The following PP2D1 variants were observed in gnomAD, a reference collection of about 807,000 sequenced individuals.
PP2D1 encodes protein phosphatase 2C-like domain-containing protein 1.
In PP2D1, 25 loss-of-function variants were observed where a neutral mutation model predicts 30.2. That is an observed-to-expected ratio of 0.83 (90% CI 0.60 to 1.16). The LOEUF is 1.16. Ranked by LOEUF, PP2D1 falls within the 50% of genes most tolerant of loss-of-function variation. PP2D1 has a pLI of 0.00. For synonymous variants in PP2D1, 260 were observed against 258.9 expected (o/e 1.00, Z -0.04); for missense variants, 760 against 742.4 (o/e 1.02, Z -0.28).
rs201198989 is a variant in PP2D1, at chr3:20,001,995, T to A, written c.125A>T (p.Lys42Met). 1.1e-3 allele frequency: 1,729 copies of A among 1,536,002 alleles called. 1 individual carries two copies. The highest frequency in any genetic ancestry group is 1.5e-3 in the Non-Finnish European group (1,666 of 1,146,816). ...LPKRKRFRKK[K>M]SRPVRHTKRH... is the part of the protein sequence containing the mutation. The stretch of plus-strand genomic sequence containing the variant: ...TTTGGTGTGTCTCACTGGTCTTGAC[T>A]TTTTCTTTCTAAAACGTTTTCTTTT... The change falls in exon 2 of 3, where the codon AAG (lysine) becomes ATG (methionine). Residue 42 changes from lysine (K) to methionine (M), a missense_variant. This residue lies in a region of PP2D1 where 374 missense variants were observed against 388.8 expected (regional missense o/e 0.96). Transcript: ENST00000389050.
intron 2 of PP2D1, among the ~76,000 whole-genome samples, chr3:19,988,476 G>A (rs1016825081): frequency 4.6e-5 from 7 of 151,874 alleles, no homozygotes; most frequent in Admixed American, 4.6e-4. Flanking sequence ...CTCCTGATAA[G>A]ATGTTATCAA....
downstream of PP2D1, among the ~76,000 whole-genome samples, chr3:19,983,361 A>AG: frequency 6.6e-6 from 1 of 151,752 alleles, no homozygotes; most frequent in Non-Finnish European, 1.5e-5. Context: ...AAAAAAAAAA[A>AG]AAGAAGTAAT....
chr3:19,982,440 T>C (rs1193566281), downstream of PP2D1, among the ~76,000 whole-genome samples: 2 of 152,230 alleles, frequency 1.3e-5, no homozygotes, highest in Non-Finnish European at 1.5e-5. Flanking sequence ...TTATCTGTCC[T>C]TCCTTTGCCC....
At chr3:20,003,184 T>G (rs931993490) in intron 1 of PP2D1, among the ~76,000 whole-genome samples, 2 of 151,962 alleles carry the variant, frequency 1.3e-5, no homozygotes, top group Non-Finnish European at 2.9e-5. Context: ...TAGAGTGAAC[T>G]CCTTATATTA....
chr3:20,001,572 G>T lies in PP2D1; in HGVS notation c.548C>A (p.Ala183Asp). The change falls in exon 2 of 3, where the codon GCT becomes GAT. Residue 183 changes from alanine to aspartate, a missense_variant. Physicochemically the swap from Ala to Asp is moderately radical, Grantham distance 126. Coordinates refer to ENST00000389050, the MANE Select transcript of PP2D1 (RefSeq NM_001252657.2). Reference sequence around the variant, plus strand: ...TACAGTGAATTTATCATTCATGTCAGCTTTCCATGTAGAATTCCTGTCTTC... The same window carrying T: ...TACAGTGAATTTATCATTCATGTCATCTTTCCATGTAGAATTCCTGTCTTC... The part of the protein sequence containing the change: ...ICEDRNSTWK[A>D]DMNDKFTVVS... 6.5e-7 allele frequency: 1 copy of T among 1,536,234 alleles called. No homozygotes were observed. Among genetic ancestry groups the T allele is most frequent in the Non-Finnish European group, 8.7e-7 (1 of 1,146,932 alleles).
intron 2 of PP2D1, among the ~76,000 whole-genome samples, chr3:19,986,564 T>G (rs1468514082): frequency 6.6e-6 from 1 of 152,248 alleles, no homozygotes; most frequent in African/African-American, 2.4e-5. Flanking sequence ...TAAATGTTTT[T>G]AAGATAAATG....
chr3:19,985,145 TCAG>T (rs1268387576), downstream of PP2D1: 1 of 427,346 alleles, frequency 2.3e-6, no homozygotes, highest in African/African-American at 2.1e-5. Flanking sequence ...ATTGAGGTGC[TCAG>T]GTTGGAATAA....
chr3:20,004,651 C>A (rs142365592), intron 1 of PP2D1, among the ~76,000 whole-genome samples: 1 of 152,100 alleles, frequency 6.6e-6, no homozygotes, highest in Admixed American at 6.6e-5. Context: ...TCATTTTATA[C>A]GCCTTCCTAT....
intron 1 of PP2D1, among the ~76,000 whole-genome samples, chr3:20,003,500 T>A (rs1697281411): frequency 6.6e-6 from 1 of 152,046 alleles, no homozygotes; most frequent in African/African-American, 2.4e-5. Context: ...CCCAACACTT[T>A]GGGAGGCCGA....
At chr3:19,987,956 A>G (rs1697062659) in intron 2 of PP2D1, among the ~76,000 whole-genome samples, 1 of 152,152 alleles carries the variant, frequency 6.6e-6, no homozygotes, top group Non-Finnish European at 1.5e-5. Context: ...GACATTTATC[A>G]CTTCCCCAGT....
At chr3:19,980,990 G>A (rs1292679516), downstream of PP2D1, among the ~76,000 whole-genome samples, 2 of 152,186 alleles carry the variant, frequency 1.3e-5, no homozygotes, top group Non-Finnish European at 2.9e-5. Context: ...AAAGCAGAGT[G>A]TATTCAATTT....
rs747950222 is a variant in PP2D1, at chr3:19,985,876, A to T, written c.1397T>A (p.Val466Asp). ...AAATGTTGTCATTGCCAGGGCAGTA[A>T]CTTCCTCTTTATCCAAAACTTCCCA... is the stretch of plus-strand genomic sequence containing the variant. Reference protein sequence around the residue: ...GLWEVLDKEEVTALAMTTFHM... With the variant: ...GLWEVLDKEEDTALAMTTFHM... Residue 466 changes from valine to aspartate, a missense_variant, in exon 3 of 3, where the codon GTT (valine) becomes GAT (aspartate). Coordinates refer to ENST00000389050, the MANE Select transcript of PP2D1 (RefSeq NM_001252657.2). The T allele has an allele frequency of 9.8e-6, 15 of 1,536,448 alleles. No individual in the cohort carries two copies. The South Asian group carries it at 1.8e-4, about 18-fold the overall frequency.
intron 2 of PP2D1, chr3:19,996,773 G>C (rs1474725321): frequency 1.3e-5 from 2 of 151,938 alleles, no homozygotes; most frequent in African/African-American, 4.8e-5. Flanking sequence ...GGGATGCAAG[G>C]ATGGTTCACA....
At chr3:20,003,894 T>A (rs905678331) in intron 1 of PP2D1, among the ~76,000 whole-genome samples, 1 of 152,220 alleles carries the variant, frequency 6.6e-6, no homozygotes, top group Non-Finnish European at 1.5e-5. Flanking sequence ...AAGCCAAATG[T>A]TACAAAAGAA....
intron 1 of PP2D1, 71 bp from the exon 2 acceptor site, chr3:20,002,167 C>A: frequency 1.0e-6 from 1 of 956,494 alleles, no homozygotes; most frequent in Non-Finnish European, 1.5e-6. Context: ...AGGCTGTTAT[C>A]ATTGCAATTT....
chr3:19,980,917 A>C (rs748821342), downstream of PP2D1, among the ~76,000 whole-genome samples: 1 of 152,202 alleles, frequency 6.6e-6, no homozygotes, highest in Non-Finnish European at 1.5e-5. Context: ...GCTGATGTAG[A>C]ATGGAATGTG....
chr3:19,990,617 G>GT lies in PP2D1; in HGVS notation c.1091-4436dup, dbSNP rs1358204982. ...AAAAACTAGATGTGCAGAGTCAATAGTTTCATTTTGTAACAATGAGTGGCA... is the reference window on the plus strand; with the variant it reads ...AAAAACTAGATGTGCAGAGTCAATAGTTTTCATTTTGTAACAATGAGTGGCA... On this transcript the variant is annotated intron_variant, in intron 2 of 2. Transcript: ENST00000389050. 5.9e-5 allele frequency among the ~76,000 whole-genome samples: 9 copies of GT among 152,176 alleles called. 1 individual carries two copies. The East Asian group carries it at 1.7e-3, about 29-fold the overall frequency.
chr3:20,002,011 G>A lies in PP2D1; in HGVS notation c.109C>T (p.Arg37Cys), dbSNP rs749755933. 44 of 1,535,590 alleles carry A rather than the reference G, an allele frequency of 2.9e-5. 1 individual carries two copies. In the South Asian group the frequency reaches 4.5e-4, roughly 16 times the overall value. ...GGTCTTGACTTTTTCTTTCTAAAAC[G>A]TTTTCTTTTGGGTAAAAGTAGAATA... ...EDILLLPKRK[R>C]FRKKKSRPVR... The change falls in exon 2 of 3, where the codon CGT becomes TGT. Residue 37 changes from arginine to cysteine, a missense_variant. Physicochemically the swap from Arg to Cys is radical, Grantham distance 180. Coordinates refer to ENST00000389050, the MANE Select transcript of PP2D1 (RefSeq NM_001252657.2).
At chr3:20,007,193 T>C (rs1251139857) in intron 1 of PP2D1, among the ~76,000 whole-genome samples, 1 of 152,142 alleles carries the variant, frequency 6.6e-6, no homozygotes, top group African/African-American at 2.4e-5. Flanking sequence ...CTTTAAATCA[T>C]CTCTTGATAG....
Sources: gnomAD v4.1 joint callset for allele counts (sites outside exome capture counted in the v4.1 genomes callset) on GRCh38, gnomAD v4.1.1 for gene constraint, gnomAD v4.1.1 regional missense constraint, MANE v1.5 for transcripts, NCBI Gene and HGNC (gene_info 2026-07-23, HGNC 2026-07-21) for gene names.